CDIN1: variants seen among roughly 807,000 people sequenced by gnomAD.
CDIN1 encodes CDAN1-interacting nuclease 1.
In CDIN1, 33 loss-of-function variants were observed where a neutral mutation model predicts 45.3. The observed-to-expected ratio is 0.73, with a 90% CI of 0.55 to 0.97. CDIN1 has a LOEUF of 0.97. Ranked by LOEUF, CDIN1 falls within the 50% of genes least tolerant of loss-of-function variation. The pLI, the probability that CDIN1 is intolerant of heterozygous loss-of-function variation, is 0.00. For missense variants in CDIN1, 303 were observed against 339.4 expected (o/e 0.89, Z 0.84); for synonymous variants, 118 against 124.4 (o/e 0.95, Z 0.34).
At chr15:36,675,831 C>G (rs1309073721) in intron 5 of CDIN1, among the ~76,000 whole-genome samples, 1 of 152,100 alleles carries the variant, frequency 6.6e-6, no homozygotes, top group East Asian at 1.9e-4. Flanking sequence ...AATCTTGAAA[C>G]CGCTGCAAAA....
At chr15:36,641,011 CACAG>C (rs1266350304) in intron 1 of CDIN1, among the ~76,000 whole-genome samples, 2 of 152,162 alleles carry the variant, frequency 1.3e-5, no homozygotes, top group African/African-American at 4.8e-5. Flanking sequence ...GTGAGTCAGG[CACAG>C]ACAGAGGAAA....
At chr15:36,793,353 G>C (rs1156317674) in intron 10 of CDIN1, among the ~76,000 whole-genome samples, 4 of 152,098 alleles carry the variant, frequency 2.6e-5, no homozygotes, top group Admixed American at 1.3e-4. Context: ...GAGGGGGAGA[G>C]AGCATTACAA....
intron 5 of CDIN1, among the ~76,000 whole-genome samples, chr15:36,672,522 G>T (rs1310487878): frequency 6.6e-6 from 1 of 151,922 alleles, no homozygotes; most frequent in Admixed American, 6.6e-5. Flanking sequence ...GTATATTAAG[G>T]TGGTAAGTGC....
At chr15:36,735,158 GATAATGAGTATATGAT>G (rs933390028) in intron 10 of CDIN1, among the ~76,000 whole-genome samples, 1 of 152,144 alleles carries the variant, frequency 6.6e-6, no homozygotes, top group Admixed American at 6.5e-5. Flanking sequence ...GCCTCTGTGT[GATAATGAGTATATGAT>G]TTGCATGTGT....
At chr15:36,768,519 C>T (rs928047773) in intron 10 of CDIN1, among the ~76,000 whole-genome samples, 2 of 144,168 alleles carry the variant, frequency 1.4e-5, no homozygotes, top group East Asian at 4.3e-4. Flanking sequence ...TTCAACTTCT[C>T]GCCTCTGGCC....
At chr15:36,684,006 C>T (rs1396490944) in intron 5 of CDIN1, among the ~76,000 whole-genome samples, 2 of 147,582 alleles carry the variant, frequency 1.4e-5, no homozygotes, top group Non-Finnish European at 1.5e-5. Context: ...GATATACAAT[C>T]ATGTCGTCTG....
At chr15:36,682,767 C>CAAAAAAAAAAAAAAAAAAAA (rs10706117) in intron 5 of CDIN1, among the ~76,000 whole-genome samples, 1 of 61,394 alleles carries the variant, frequency 1.6e-5, no homozygotes, top group African/African-American at 6.3e-5. Flanking sequence ...AAGACCCTGC[C>CAAAAAAAAAAAAAAAAAAAA]AAAAAAAAAA....
At chr15:36,677,370 A>G (rs898099095) in intron 5 of CDIN1, among the ~76,000 whole-genome samples, 1 of 152,122 alleles carries the variant, frequency 6.6e-6, no homozygotes, top group Non-Finnish European at 1.5e-5. Context: ...GAAAAGGTTA[A>G]GAATCATCTG....
intron 8 of CDIN1, among the ~76,000 whole-genome samples, chr15:36,702,413 G>T (rs922383888): frequency 2.6e-5 from 4 of 152,140 alleles, no homozygotes; most frequent in African/African-American, 9.7e-5. Context: ...AATGCTTTCT[G>T]GATGTTTGTT....
intron 3 of CDIN1, among the ~76,000 whole-genome samples, chr15:36,647,023 CTTTTTT>C (rs11433757): frequency 8.2e-6 from 1 of 122,316 alleles, no homozygotes. Flanking sequence ...AAATAAATAT[CTTTTTT>C]TTTTTTTTTT....
At chr15:36,794,610 T>C (rs2054742209) in intron 10 of CDIN1, among the ~76,000 whole-genome samples, 1 of 152,070 alleles carries the variant, frequency 6.6e-6, no homozygotes, top group African/African-American at 2.4e-5. Flanking sequence ...TTCAATCATG[T>C]TGTAGCATGT....
chr15:36,691,312 T>G (rs1013045939), intron 5 of CDIN1: 4 of 361,302 alleles, frequency 1.1e-5, no homozygotes, highest in East Asian at 1.6e-4. Context: ...TTCATTAAAC[T>G]CTTCATATAC....
chr15:36,586,389 T>C (rs774661262), intron 1 of CDIN1, among the ~76,000 whole-genome samples: 27 of 152,182 alleles, frequency 1.8e-4, no homozygotes, highest in Non-Finnish European at 2.6e-4. Context: ...TGATTCTCTA[T>C]TTCTCTCACC....
intron 1 of CDIN1, among the ~76,000 whole-genome samples, chr15:36,582,160 T>A (rs1447287641): frequency 4.6e-5 from 7 of 152,220 alleles, no homozygotes; most frequent in Admixed American, 4.6e-4. Flanking sequence ...ACATTGTTTA[T>A]TTTTGAGAAA....
intron 5 of CDIN1, among the ~76,000 whole-genome samples, chr15:36,660,713 G>A (rs1428255580): frequency 6.6e-6 from 1 of 152,026 alleles, no homozygotes; most frequent in East Asian, 1.9e-4. Flanking sequence ...ATGTTCTATA[G>A]CCTTTTAGAC....
At chr15:36,673,682 C>T (rs2041535772) in intron 5 of CDIN1, among the ~76,000 whole-genome samples, 1 of 151,924 alleles carries the variant, frequency 6.6e-6, no homozygotes, top group Admixed American at 6.6e-5. Flanking sequence ...TTGAATGGCC[C>T]TTTTTTGTGT....
At chr15:36,610,381 G>A (rs1273354033) in intron 1 of CDIN1, among the ~76,000 whole-genome samples, 1 of 152,146 alleles carries the variant, frequency 6.6e-6, no homozygotes, top group Non-Finnish European at 1.5e-5. Flanking sequence ...AATCTTTTCA[G>A]TTGTGTAATG....
At chr15:36,606,641 C>T (rs1172297097) in intron 1 of CDIN1, among the ~76,000 whole-genome samples, 2 of 152,190 alleles carry the variant, frequency 1.3e-5, no homozygotes, top group Non-Finnish European at 2.9e-5. Flanking sequence ...ATTTAATTTT[C>T]TCCCACAGCA....
chr15:36,617,561 T>A, intron 1 of CDIN1: 1 of 795,638 alleles, frequency 1.3e-6, no homozygotes, highest in East Asian at 2.4e-5. Flanking sequence ...TGGACAGTTG[T>A]TAACATGGAA....
Sources: allele counts gnomAD v4.1 joint callset (sites outside exome capture counted in the v4.1 genomes callset), GRCh38; gene constraint gnomAD v4.1.1; transcripts MANE v1.5; gene names NCBI Gene and HGNC (gene_info 2026-07-23, HGNC 2026-07-21).